Variants in EXO1 observed in about 807,000 individuals in gnomAD.
EXO1 encodes exonuclease 1.
In EXO1, 69 loss-of-function variants were observed where a neutral mutation model predicts 84.5. That is an observed-to-expected ratio of 0.82 (90% CI 0.67 to 1.00). The LOEUF (loss-of-function observed/expected upper bound fraction) is 1.00. Ranked by LOEUF, EXO1 falls within the 50% of genes least tolerant of loss-of-function variation. The pLI, the probability that EXO1 is intolerant of heterozygous loss-of-function variation, is 0.00. For missense variants in EXO1, 1,045 were observed against 1,000.7 expected (o/e 1.04, Z -0.60); for synonymous variants, 373 against 366.1 (o/e 1.02, Z -0.21).
intron 15 of EXO1, among the ~76,000 whole-genome samples, chr1:241,887,940 C>A (rs2148551557): frequency 6.6e-6 from 1 of 152,254 alleles, no homozygotes. Flanking sequence ...CGCCTGGCCC[C>A]TTTTTGTTCC....
At chr1:241,888,615 G>A (rs1442953899) in intron 15 of EXO1, among the ~76,000 whole-genome samples, 2 of 152,210 alleles carry the variant, frequency 1.3e-5, no homozygotes, top group South Asian at 4.1e-4. Context: ...GAAATTAAGG[G>A]TGCAACAGTA....
At chr1:241,889,370 C>T (rs559701193) in intron 15 of EXO1, 95 bp from the exon 16 acceptor site, 95 of 1,111,766 alleles carry the variant, frequency 8.5e-5, no homozygotes, top group Non-Finnish European at 1.2e-4. Context: ...AGGGTCTTAT[C>T]CTCTTCATGT....
At chr1:241,850,313 A>G (rs956817399) in intron 3 of EXO1, 96 bp from the exon 4 acceptor site, 1 of 857,256 alleles carries the variant, frequency 1.2e-6, no homozygotes, top group Non-Finnish European at 1.9e-6. Flanking sequence ...CAATTTCTGC[A>G]TTGGACTCCA....
intron 11 of EXO1, among the ~76,000 whole-genome samples, chr1:241,868,701 T>A (rs1482037563): frequency 6.6e-6 from 1 of 152,202 alleles, no homozygotes; most frequent in Non-Finnish European, 1.5e-5. Flanking sequence ...GAGAGTTAGT[T>A]AAATCCATAC....
intron 11 of EXO1, 112 bp from the exon 12 acceptor site, chr1:241,871,920 T>TTG (rs901293332): frequency 2.7e-6 from 2 of 733,260 alleles, no homozygotes; most frequent in Non-Finnish European, 4.4e-6. Flanking sequence ...AGTTTTTTTT[T>TTG]TTTTTTTTTA....
chr1:241,881,959 A>C lies in EXO1; in HGVS notation c.2153A>C (p.Gln718Pro), dbSNP rs1226492220. Residue 718 changes from glutamine to proline, a missense_variant, in exon 14 of 16, where the codon CAG becomes CCG. Transcript: ENST00000366548. ...AAGTTACTTGACAGTCAAAGTGACCAGACCTCCAAGCTACGTTTATCTCAT... is the reference window on the plus strand; with the variant it reads ...AAGTTACTTGACAGTCAAAGTGACCCGACCTCCAAGCTACGTTTATCTCAT... ...NIKLLDSQSD[Q>P]TSKLRLSHFS... 16 of 1,584,786 alleles carry C rather than the reference A, an allele frequency of 1.0e-5. No homozygotes were observed. Among genetic ancestry groups the C allele is most frequent in the Non-Finnish European group, 1.4e-5 (16 of 1,155,314 alleles).
At chr1:241,865,191 A>T (rs1051485765) in intron 10 of EXO1, among the ~76,000 whole-genome samples, 1 of 125,906 alleles carries the variant, frequency 7.9e-6, no homozygotes, top group Admixed American at 1.0e-4. Flanking sequence ...ATATATATAT[A>T]TATATTTTTT....
intron 3 of EXO1, 121 bp from the exon 4 acceptor site, chr1:241,850,288 A>AC: frequency 5.7e-6 from 4 of 704,228 alleles, no homozygotes; most frequent in South Asian, 1.6e-5. Flanking sequence ...TCAAAAAAAA[A>AC]AAAAAACAAC....
In EXO1 at chr1:241,889,727, C is replaced by T; in HGVS notation, c.*127C>T. On this transcript the variant is annotated 3_prime_UTR_variant, in exon 16 of 16. Transcript: ENST00000366548. ...TCTGTGCCATTTTAAAAATAGAATA[C>T]ATTTTGTATATTAACTTTATAATTG... 2 of 925,110 alleles carry T rather than the reference C, an allele frequency of 2.2e-6. No homozygotes were observed. The highest frequency in any genetic ancestry group is 1.7e-6 in the Non-Finnish European group (1 of 574,704). 57.3% of individuals were successfully genotyped at this position (925,110 alleles called of 1,614,324 possible).
At chr1:241,884,641 T>C (rs1662944392) in intron 14 of EXO1, among the ~76,000 whole-genome samples, 1 of 100,534 alleles carries the variant, frequency 9.9e-6, no homozygotes, top group African/African-American at 3.6e-5. Context: ...ATGTGTACTA[T>C]GCTGCCTGTG....
chr1:241,860,760 TG>T, intron 9 of EXO1, 56 bp downstream of exon 9: 1 of 1,452,218 alleles, frequency 6.9e-7, no homozygotes, highest in Non-Finnish European at 9.7e-7. Flanking sequence ...AATATTTTTA[TG>T]GTGATTTTTT....
chr1:241,853,531 G>C (rs775943886), intron 6 of EXO1, 50 bp downstream of exon 6: 2 of 1,605,094 alleles, frequency 1.2e-6, no homozygotes, highest in Non-Finnish European at 1.7e-6. Context: ...GTTACAACTT[G>C]TTTATTGATG....
At chr1:241,854,098 C>G (rs1234135784) in intron 6 of EXO1, among the ~76,000 whole-genome samples, 1 of 152,074 alleles carries the variant, frequency 6.6e-6, no homozygotes, top group Non-Finnish European at 1.5e-5. Context: ...TCACTTTCCC[C>G]TTTTTAGAGC....
chr1:241,866,539 TC>T (rs1180157380), intron 10 of EXO1, among the ~76,000 whole-genome samples: 2 of 151,390 alleles, frequency 1.3e-5, no homozygotes, highest in Non-Finnish European at 2.9e-5. Flanking sequence ...ATCTTTTTTT[TC>T]TACAGCTGCT....
intron 13 of EXO1, 63 bp downstream of exon 13, chr1:241,879,406 C>A: frequency 1.0e-6 from 1 of 995,612 alleles, no homozygotes; most frequent in South Asian, 1.4e-5. Flanking sequence ...GATTGTTGCT[C>A]AAACTGAGGA....
intron 11 of EXO1, among the ~76,000 whole-genome samples, chr1:241,869,209 G>C (rs550566934): frequency 7.5e-4 from 114 of 152,308 alleles, no homozygotes; most frequent in African/African-American, 2.6e-3. Flanking sequence ...TGTAAAGATA[G>C]GTAAGGAGAG....
At chr1:241,872,422 G>A (rs1171918282) in intron 12 of EXO1, 144 bp downstream of exon 12, 2 of 802,802 alleles carry the variant, frequency 2.5e-6, no homozygotes, top group East Asian at 2.7e-5. Context: ...TGTTACATGG[G>A]TATACATGTG....
At chr1:241,886,193 A>ATCGTACTTCTCTAATT (rs1663062108) in intron 15 of EXO1, among the ~76,000 whole-genome samples, 2 of 152,234 alleles carry the variant, frequency 1.3e-5, no homozygotes, top group South Asian at 4.1e-4. Context: ...ACAGTGCAAT[A>ATCGTACTTCTCTAATT]TCGTACTTCT....
At chr1:241,872,378 A>G (rs1361452257) in intron 12 of EXO1, 100 bp downstream of exon 12, 2 of 1,323,120 alleles carry the variant, frequency 1.5e-6, no homozygotes, top group Non-Finnish European at 2.2e-6. Context: ...ATTATACTTT[A>G]AGTTCTGGGG....
Sources: gnomAD v4.1 joint callset for allele counts (sites outside exome capture counted in the v4.1 genomes callset) on GRCh38, gnomAD v4.1.1 for gene constraint, MANE v1.5 for transcripts, NCBI Gene and HGNC (gene_info 2026-07-23, HGNC 2026-07-21) for gene names.